NRXN1: variants seen among roughly 807,000 people sequenced by gnomAD.
NRXN1 encodes the protein neurexin 1, also known as neurexin-1.
In NRXN1, 39 loss-of-function variants were observed where a neutral mutation model predicts 150.9. The observed-to-expected ratio is 0.26, with a 90% CI of 0.20 to 0.34. The LOEUF (loss-of-function observed/expected upper bound fraction) is 0.34. Ranked by LOEUF, NRXN1 falls within the 10% of genes least tolerant of loss-of-function variation. The pLI, the probability that NRXN1 is intolerant of heterozygous loss-of-function variation, is 1.00. For synonymous variants in NRXN1, 924 were observed against 757.0 expected (o/e 1.22, Z -3.62); for missense variants, 1,815 against 1,949.9 (o/e 0.93, Z 1.30).
At chr2:50,748,957 A>G (rs969527758) in intron 5 of NRXN1, among the ~76,000 whole-genome samples, 2 of 152,102 alleles carry the variant, frequency 1.3e-5, no homozygotes, top group African/African-American at 2.4e-5. Flanking sequence ...TGATAGCTCT[A>G]TCTCACAGAT....
At chr2:50,102,631 C>T (rs972611976) in intron 18 of NRXN1, among the ~76,000 whole-genome samples, 1 of 151,940 alleles carries the variant, frequency 6.6e-6, no homozygotes, top group African/African-American at 2.4e-5. Flanking sequence ...TGCTAAGTTT[C>T]AAGAAGGCAA....
intron 18 of NRXN1, among the ~76,000 whole-genome samples, chr2:50,181,452 GAGACAAAGTAT>G (rs1451841961): frequency 6.6e-6 from 1 of 152,070 alleles, no homozygotes; most frequent in Non-Finnish European, 1.5e-5. Context: ...ATTATCTTAA[GAGACAAAGTAT>G]CTGCTGATCT....
At chr2:50,671,401 T>G (rs1356913753) in intron 5 of NRXN1, among the ~76,000 whole-genome samples, 1 of 151,674 alleles carries the variant, frequency 6.6e-6, no homozygotes, top group Non-Finnish European at 1.5e-5. Context: ...TAGCTGAATA[T>G]GGCAAAATTA....
At chr2:50,046,018 T>C (rs1054325652) in intron 21 of NRXN1, among the ~76,000 whole-genome samples, 2 of 152,218 alleles carry the variant, frequency 1.3e-5, no homozygotes, top group African/African-American at 4.8e-5. Context: ...CCAGGATAGA[T>C]ACAGAAATCA....
chr2:50,409,029 C>A (rs2082960714), intron 17 of NRXN1, among the ~76,000 whole-genome samples: 1 of 152,078 alleles, frequency 6.6e-6, no homozygotes, highest in African/African-American at 2.4e-5. Context: ...GATCCTTTTT[C>A]AAGGGGAGGG....
intron 18 of NRXN1, among the ~76,000 whole-genome samples, chr2:50,097,491 C>G (rs1700378845): frequency 6.6e-6 from 1 of 152,154 alleles, no homozygotes; most frequent in Non-Finnish European, 1.5e-5. Flanking sequence ...TAATCCTCAC[C>G]AGGGAGCAAA....
intron 18 of NRXN1, among the ~76,000 whole-genome samples, chr2:50,201,252 T>G (rs1285995323): frequency 6.6e-6 from 1 of 152,136 alleles, no homozygotes; most frequent in Non-Finnish European, 1.5e-5. Flanking sequence ...GTTCAAGTGA[T>G]TTTCAACCTT....
In NRXN1 at chr2:50,844,602, T is replaced by G. The variant is rs191803495; in HGVS notation, c.832+77267A>C. ...TACAAAAAGAGAAGTGTGTGCAGAT[T>G]AGTGGGAAAGACTGTTCTAGTAAAA... is the stretch of plus-strand genomic sequence containing the variant. On this transcript the variant is annotated intron_variant, in intron 5 of 22. Coordinates refer to ENST00000401669, the MANE Select transcript of NRXN1 (RefSeq NM_001330078.2). Among the ~76,000 whole-genome samples, 3 of 152,302 alleles carry G rather than the reference T, an allele frequency of 2.0e-5. No homozygotes were observed. The East Asian group carries it at 5.8e-4, about 29-fold the overall frequency.
intron 2 of NRXN1, among the ~76,000 whole-genome samples, chr2:50,969,356 T>G (rs1488255644): frequency 1.3e-5 from 2 of 152,178 alleles, no homozygotes; most frequent in Non-Finnish European, 2.9e-5. Flanking sequence ...AAAATATTGC[T>G]TAATTTTCTC....
At chr2:50,743,032 A>C (rs1199416061) in intron 5 of NRXN1, among the ~76,000 whole-genome samples, 1 of 152,228 alleles carries the variant, frequency 6.6e-6, no homozygotes, top group Non-Finnish European at 1.5e-5. Context: ...TAAAAGTATA[A>C]GAAAAGACAG....
intron 5 of NRXN1, among the ~76,000 whole-genome samples, chr2:50,805,284 T>C (rs1667365650): frequency 6.6e-6 from 1 of 152,162 alleles, no homozygotes; most frequent in Non-Finnish European, 1.5e-5. Flanking sequence ...CGTGAGGACT[T>C]TAGACATATA....
intron 5 of NRXN1, among the ~76,000 whole-genome samples, chr2:50,752,116 T>A (rs553400716): frequency 1.9e-4 from 29 of 152,142 alleles, no homozygotes; most frequent in African/African-American, 5.8e-4. Flanking sequence ...TTAGCATTTT[T>A]ACTTTTAATC....
intron 2 of NRXN1, among the ~76,000 whole-genome samples, chr2:50,942,058 C>G (rs1363927369): frequency 6.6e-6 from 1 of 152,164 alleles, no homozygotes; most frequent in African/African-American, 2.4e-5. Context: ...CCCAGTCACT[C>G]CAGTTCCAGT....
intron 17 of NRXN1, among the ~76,000 whole-genome samples, chr2:50,249,463 A>G (rs2066833444): frequency 6.6e-6 from 1 of 152,224 alleles, no homozygotes; most frequent in Non-Finnish European, 1.5e-5. Flanking sequence ...AAAGGCAATA[A>G]AATAGTATAA....
intron 5 of NRXN1, among the ~76,000 whole-genome samples, chr2:50,827,527 CTT>C (rs1410622212): frequency 6.7e-6 from 1 of 150,248 alleles, no homozygotes; most frequent in African/African-American, 2.4e-5. Flanking sequence ...AAAGTAAACT[CTT>C]TTAAAGACTT....
chr2:50,799,488 A>G (rs965010472), intron 5 of NRXN1, among the ~76,000 whole-genome samples: 5 of 152,224 alleles, frequency 3.3e-5, no homozygotes, highest in Non-Finnish European at 7.3e-5. Flanking sequence ...CACATAGTAC[A>G]GACAATCCCC....
At chr2:50,394,456 G>C (rs1402055015) in intron 17 of NRXN1, among the ~76,000 whole-genome samples, 1 of 152,032 alleles carries the variant, frequency 6.6e-6, no homozygotes, top group Non-Finnish European at 1.5e-5. Context: ...CAGAATTAAA[G>C]AATATATTTA....
At chr2:50,236,999 T>C (rs2065508400) in intron 17 of NRXN1, 29 bp from the exon 18 acceptor site, 2 of 1,607,096 alleles carry the variant, frequency 1.2e-6, no homozygotes, top group South Asian at 1.1e-5. Flanking sequence ...AACCAATTAG[T>C]CCAAATACAT....
chr2:50,529,953 T>G, intron 11 of NRXN1, among the ~76,000 whole-genome samples: 1 of 152,214 alleles, frequency 6.6e-6, no homozygotes, highest in Middle Eastern at 3.2e-3. Context: ...TAATTTTATA[T>G]TTTATGAGTT....
Sources: allele counts gnomAD v4.1 joint callset (sites outside exome capture counted in the v4.1 genomes callset), GRCh38; gene constraint gnomAD v4.1.1; transcripts MANE v1.5; gene names NCBI Gene and HGNC (gene_info 2026-07-23, HGNC 2026-07-21).